BCL7C: variants seen among roughly 807,000 people sequenced by gnomAD.
BCL7C encodes the protein BAF chromatin remodeling complex subunit BCL7C, also known as B-cell CLL/lymphoma 7 protein family member C.
Under a neutral mutation model 26.2 loss-of-function variants are expected in BCL7C, and 8 were observed. That is an observed-to-expected ratio of 0.30 (90% CI 0.18 to 0.55). The LOEUF (loss-of-function observed/expected upper bound fraction) is 0.55, where lower values mean the gene tolerates loss of function less well. Ranked by LOEUF, BCL7C falls within the 20% of genes least tolerant of loss-of-function variation. The probability of loss-of-function intolerance (pLI) is 0.93; values close to 1 mark genes in which losing one functional copy is unlikely to be tolerated. For synonymous variants in BCL7C, 90 were observed against 116.5 expected (o/e 0.77, Z 1.47); for missense variants, 262 against 298.5 (o/e 0.88, Z 0.90).
intron 5 of BCL7C, among the ~76,000 whole-genome samples, chr16:30,838,383 G>T (rs1231688470): frequency 6.6e-6 from 1 of 152,228 alleles, no homozygotes; most frequent in Non-Finnish European, 1.5e-5. Context: ...TAGATAGATA[G>T]ATAGAGGCAC....
chr16:30,888,035 C>T (rs756090378), intron 5 of BCL7C, 45 bp from the exon 6 acceptor site: 7 of 1,563,866 alleles, frequency 4.5e-6, no homozygotes, highest in Admixed American at 2.0e-5. Context: ...AGAACCCAGG[C>T]GTCCAGCCTC....
Position 30,834,736 on chromosome 16 carries a change from G to T in BCL7C, c.*212C>A. Reference sequence around the variant, plus strand: ...AGGCACTGGATGTGGTCCGAGTTCTGCCCTAAGCCCTTCCCATGCATTCGG... The same window carrying T: ...AGGCACTGGATGTGGTCCGAGTTCTTCCCTAAGCCCTTCCCATGCATTCGG... On this transcript the variant is annotated 3_prime_UTR_variant, in exon 6 of 6. Transcript: ENST00000380317. This position sits in a 1 kb window ranked among gnomAD's most constrained non-coding sequence, Gnocchi z 4.3. 1.9e-6 allele frequency: 1 copy of T among 531,912 alleles called. No individual in the cohort carries two copies. The highest frequency in any genetic ancestry group is 3.2e-5 in the East Asian group (1 of 30,784). 32.9% of individuals were successfully genotyped at this position (531,912 alleles called of 1,614,324 possible). A position where few individuals can be genotyped will look rare whatever the true frequency, so the allele number is the denominator to read the frequency against.
chr16:30,893,087 A>T lies in BCL7C; in HGVS notation c.171+125T>A. ...GAGGGCAAAAGGGGAGGAGCTGCTA[A>T]TGATGGTTCCCGTCTGTCCTGCTGC... On this transcript the variant is annotated intron_variant, in intron 2 of 5. Coordinates refer to ENST00000215115, the MANE Select transcript of BCL7C (RefSeq NM_004765.4). The surrounding 1 kb of genome is among the most constrained non-coding windows in gnomAD (Gnocchi z 5.2). The T allele has an allele frequency of 8.1e-7, 1 of 1,241,828 alleles. No homozygotes were observed. Among genetic ancestry groups the T allele is most frequent in the Non-Finnish European group, 1.1e-6 (1 of 876,772 alleles). The allele number at this position is 1,241,828 out of a possible 1,614,324, so 76.9% of individuals were successfully genotyped here. A position where few individuals can be genotyped will look rare whatever the true frequency, so the allele number is the denominator to read the frequency against.
chr16:30,863,737 C>T (rs2054797490), intron 5 of BCL7C, among the ~76,000 whole-genome samples: 1 of 152,230 alleles, frequency 6.6e-6, no homozygotes, highest in Non-Finnish European at 1.5e-5. Context: ...AGGAAAATAT[C>T]TCCTTCCAGC....
intron 5 of BCL7C, among the ~76,000 whole-genome samples, chr16:30,866,447 C>G (rs556572604): frequency 2.6e-5 from 4 of 151,760 alleles, no homozygotes; most frequent in African/African-American, 7.3e-5. Flanking sequence ...CGTGGTGGCA[C>G]GCACCTGTAG....
intron 5 of BCL7C, among the ~76,000 whole-genome samples, chr16:30,857,870 C>A (rs927954948): frequency 6.6e-6 from 1 of 151,164 alleles, no homozygotes; most frequent in Non-Finnish European, 1.5e-5. Context: ...ACTCGGGAGG[C>A]TGAGGCAGGA....
intron 5 of BCL7C, among the ~76,000 whole-genome samples, chr16:30,848,120 G>C (rs955823083): frequency 6.6e-6 from 1 of 152,136 alleles, no homozygotes; most frequent in Non-Finnish European, 1.5e-5. Flanking sequence ...GGACTTCATG[G>C]TGGCCTACCA....
intron 5 of BCL7C, among the ~76,000 whole-genome samples, chr16:30,867,540 C>T (rs2054839437): frequency 6.6e-6 from 1 of 152,116 alleles, no homozygotes; most frequent in Non-Finnish European, 1.5e-5. Context: ...ACTCGGCCAT[C>T]CCAGCACTTT....
In BCL7C at chr16:30,893,571, C is replaced by T. The variant is rs570561019; in HGVS notation, c.93-281G>A. Reference sequence around the variant, plus strand: ...CTATGGGCCTGGCCCGGGATCAGAGCCCTGCAGATCCTGGGGCGCACCTGC... The same window carrying T: ...CTATGGGCCTGGCCCGGGATCAGAGTCCTGCAGATCCTGGGGCGCACCTGC... On this transcript the variant is annotated intron_variant, in intron 1 of 5. Coordinates refer to ENST00000215115, the MANE Select transcript of BCL7C (RefSeq NM_004765.4). This position sits in a 1 kb window ranked among gnomAD's most constrained non-coding sequence, Gnocchi z 5.2. Among the ~76,000 whole-genome samples, 66 of 152,148 alleles carry T rather than the reference C, an allele frequency of 4.3e-4. No homozygotes were observed. The highest frequency in any genetic ancestry group is 1.6e-3 in the African/African-American group (65 of 41,504).
At chr16:30,880,140 C>T (rs1334707170) in intron 5 of BCL7C, among the ~76,000 whole-genome samples, 1 of 151,758 alleles carries the variant, frequency 6.6e-6, no homozygotes, top group African/African-American at 2.4e-5. Flanking sequence ...AACACTTTAC[C>T]CAGTTACTTG....
intron 5 of BCL7C, among the ~76,000 whole-genome samples, chr16:30,839,772 ACTGAG>A (rs2054590870): frequency 6.6e-6 from 1 of 152,242 alleles, no homozygotes; most frequent in Admixed American, 6.5e-5. Flanking sequence ...CCCTTTTGAG[ACTGAG>A]CTAAGAACCC....
intron 5 of BCL7C, among the ~76,000 whole-genome samples, chr16:30,866,918 G>C (rs1039725594): frequency 6.6e-6 from 1 of 152,108 alleles, no homozygotes. Context: ...GCTGAGCATG[G>C]TGGTGCACAC....
chr16:30,861,857 CTTTTTTT>C (rs35135586), intron 5 of BCL7C, among the ~76,000 whole-genome samples: 1 of 68,826 alleles, frequency 1.5e-5, no homozygotes, highest in South Asian at 4.1e-4. Flanking sequence ...GGACAACATG[CTTTTTTT>C]TTTTTTTTTT....
intron 5 of BCL7C, among the ~76,000 whole-genome samples, chr16:30,877,661 G>A (rs1485501026): frequency 6.7e-6 from 1 of 149,414 alleles, no homozygotes; most frequent in Non-Finnish European, 1.5e-5. Flanking sequence ...GGATGGTCTC[G>A]ATCTCCTGAC....
At chr16:30,842,387 AG>A (rs562436025) in intron 5 of BCL7C, among the ~76,000 whole-genome samples, 46 of 152,312 alleles carry the variant, frequency 3.0e-4, no homozygotes, top group African/African-American at 1.0e-3. Flanking sequence ...CTAGCTAAAG[AG>A]CACACTGGCC....
rs2055289674 is a variant in BCL7C at position 30,893,405 on chromosome 16, C to T, written c.93-115G>A. The T allele has an allele frequency of 1.3e-6, 1 of 744,974 alleles. No individual in the cohort carries two copies. The highest frequency in any genetic ancestry group is 2.2e-6 in the Non-Finnish European group (1 of 456,056). 46.1% of individuals were successfully genotyped at this position (744,974 alleles called of 1,614,324 possible). On this transcript the variant is annotated intron_variant, in intron 1 of 5. Transcript: ENST00000215115. The surrounding 1 kb of genome is among the most constrained non-coding windows in gnomAD (Gnocchi z 5.2). Reference sequence around the variant, plus strand: ...TTGAGGAGGCACAGGAGGATAGCAACAGTTTTGCTAATGGGGCATAGTTAC... The same window carrying T: ...TTGAGGAGGCACAGGAGGATAGCAATAGTTTTGCTAATGGGGCATAGTTAC...
At position 30,893,974 on chromosome 16, in the gene BCL7C, C is replaced by T. The variant is rs781301819; in HGVS notation, c.-30G>A. The T allele has an allele frequency of 2.5e-6, 3 of 1,221,932 alleles. No individual in the cohort carries two copies. The highest frequency in any genetic ancestry group is 2.5e-5 in the South Asian group (1 of 40,412). The allele number at this position is 1,221,932 out of a possible 1,614,324, so 75.7% of individuals were successfully genotyped here. A position where few individuals can be genotyped will look rare whatever the true frequency, so the allele number is the denominator to read the frequency against. ...GCGGGGCTGGGGCCGGGGCCGAGCC[C>T]GCGGCGGGGCCGCCTCCCGTCCGGC... On this transcript the variant is annotated 5_prime_UTR_variant, in exon 1 of 6. Coordinates refer to ENST00000215115, the MANE Select transcript of BCL7C (RefSeq NM_004765.4). The surrounding 1 kb of genome is among the most constrained non-coding windows in gnomAD (Gnocchi z 5.2).
At chr16:30,854,707 C>CT (rs71149058) in intron 5 of BCL7C, among the ~76,000 whole-genome samples, 101,072 of 145,108 alleles carry the variant, frequency 0.7, 35,516 homozygotes, top group East Asian at 0.91. Context: ...CACTCACTTT[C>CT]TTTTTTTTTT....
chr16:30,854,119 T>C (rs4889534), intron 5 of BCL7C, among the ~76,000 whole-genome samples: 111,042 of 152,004 alleles, frequency 0.73, 41,082 homozygotes, highest in East Asian at 0.91. Context: ...CCTCAGGTAA[T>C]AGGCCTTAAA....
Sources: allele counts gnomAD v4.1 joint callset (sites outside exome capture counted in the v4.1 genomes callset), GRCh38; gene constraint gnomAD v4.1.1; non-coding constraint Gnocchi (gnomAD v3.1); transcripts MANE v1.5; gene names NCBI Gene and HGNC (gene_info 2026-07-23, HGNC 2026-07-21).